Variants in KCNIP3 observed in about 807,000 individuals in gnomAD.
KCNIP3 encodes potassium voltage-gated channel interacting protein 3.
A neutral mutation model predicts 35.0 loss-of-function variants in KCNIP3; 28 were observed. The observed-to-expected ratio is 0.80, with a 90% CI of 0.59 to 1.10. The LOEUF (loss-of-function observed/expected upper bound fraction) is 1.10, where lower values mean the gene tolerates loss of function less well. Among genes scored for constraint, KCNIP3 ranks in the 50% least tolerant of loss-of-function variants. The pLI, the probability that KCNIP3 is intolerant of heterozygous loss-of-function variation, is 0.00. For synonymous variants in KCNIP3, 134 were observed against 133.8 expected, an observed-to-expected ratio of 1.00 and a Z score of -0.01; for missense variants, 295 against 338.4, an observed-to-expected ratio of 0.87 and a Z score of 1.01.
intron 2 of KCNIP3, among the ~76,000 whole-genome samples, chr2:95,348,266 G>C (rs1242951313): frequency 1.3e-5 from 2 of 152,252 alleles, no homozygotes; most frequent in Admixed American, 6.5e-5. Context: ...TCGCTCGGCC[G>C]GATGCTGGCC....
rs781346275 is a variant in KCNIP3 at position 95,382,475 on chromosome 2, C to A, written c.654C>A (p.Phe218Leu). The A allele has an allele frequency of 2.5e-6, 4 of 1,602,304 alleles. No individual in the cohort carries two copies. Among genetic ancestry groups the A allele is most frequent in the Middle Eastern group, 1.7e-4 (1 of 6,040 alleles). Reference protein sequence around the residue: ...EDAPAEHVERFFEKMDRNQDG... With the variant: ...EDAPAEHVERLFEKMDRNQDG... ...CGCCGGCGGAGCACGTGGAGAGGTT[C>A]TTCGAGGTGAGCGAGCGCCAGCCCT... Residue 218 changes from phenylalanine to leucine, a missense_variant, in exon 7 of 9, where the codon TTC becomes TTA. Physicochemically the swap from Phe to Leu is conservative, Grantham distance 22. Transcript: ENST00000295225. The surrounding 1 kb of genome is among the most constrained non-coding windows in gnomAD (Gnocchi z 4.5).
chr2:95,368,309 G>A (rs1679964603), intron 2 of KCNIP3, among the ~76,000 whole-genome samples: 1 of 152,066 alleles, frequency 6.6e-6, no homozygotes, highest in Non-Finnish European at 1.5e-5. Context: ...GTAGCAAACA[G>A]CAACTATGTC....
chr2:95,382,372 TC>T lies in KCNIP3; in HGVS notation c.556-3del. 1 of 1,569,524 alleles carries T rather than the reference TC, an allele frequency of 6.4e-7. No homozygotes were observed. The highest frequency in any genetic ancestry group is 1.2e-5 in the South Asian group (1 of 84,800). ...CAGCAGGCTCATGCCAGCCTCCCCC[TC>T]CAGGAGATGCTGGCCATCATGAAGT... On this transcript the variant is annotated splice_region_variant and splice_polypyrimidine_tract_variant and intron_variant, in intron 6 of 8. Coordinates refer to ENST00000295225, the MANE Select transcript of KCNIP3 (RefSeq NM_013434.5). This position sits in a 1 kb window ranked among gnomAD's most constrained non-coding sequence, Gnocchi z 4.5.
intron 1 of KCNIP3, among the ~76,000 whole-genome samples, chr2:95,299,314 T>C (rs1462016707): frequency 6.6e-6 from 1 of 152,194 alleles, no homozygotes; most frequent in Non-Finnish European, 1.5e-5. Context: ...CCATTAGGTT[T>C]CTCATCAAGA....
rs1383198194 is a variant in KCNIP3, at chr2:95,378,209, ACCT to A, written c.447+3005_447+3007del. The stretch of plus-strand genomic sequence containing the variant: ...ACCACCATAGCTCATTGCAGCCTCG[ACCT>A]CCTGGCCTCAAGTGATCCTCCTACC... On this transcript the variant is annotated intron_variant, in intron 5 of 8. Transcript: ENST00000295225. This position sits in a 1 kb window ranked among gnomAD's most constrained non-coding sequence, Gnocchi z 4.0. Among the ~76,000 whole-genome samples the A allele has an allele frequency of 6.6e-6, 1 of 151,972 alleles. No individual in the cohort carries two copies. The highest frequency in any genetic ancestry group is 1.5e-5 in the Non-Finnish European group (1 of 67,984).
rs771470868 is a variant in KCNIP3 at position 95,310,441 on chromosome 2, G to A, written c.102G>A (p.Arg34=). 6.2e-7 allele frequency: 1 copy of A among 1,613,980 alleles called. No homozygotes were observed. The highest frequency in any genetic ancestry group is 8.5e-7 in the Non-Finnish European group (1 of 1,179,962). The change falls in exon 2 of 9, where the codon AGG becomes AGA. Residue 34 remains arginine (R), a synonymous_variant. Transcript: ENST00000295225. The part of the protein sequence containing the change: ...LSKKEGIKWQ[R]PRLSRQALMR... ...AGAAGGAGGGTATCAAGTGGCAGAG[G>A]CCGAGGCTCAGCCGCCAGGCTTTGA...
chr2:95,356,725 C>T (rs375615273), intron 2 of KCNIP3, among the ~76,000 whole-genome samples: 53 of 152,212 alleles, frequency 3.5e-4, no homozygotes, highest in Non-Finnish European at 5.0e-4. Context: ...TTTTGGTACC[C>T]GTACCATGCT....
At chr2:95,310,244 C>T (rs1678275534) in intron 1 of KCNIP3, 111 bp from the exon 2 acceptor site, 1 of 1,292,802 alleles carries the variant, frequency 7.7e-7, no homozygotes, top group Admixed American at 1.7e-5. Context: ...AAGGTGAGCC[C>T]TCTGTTGTGT....
chr2:95,314,932 G>A (rs1402817689), intron 2 of KCNIP3, among the ~76,000 whole-genome samples: 1 of 152,210 alleles, frequency 6.6e-6, no homozygotes, highest in Non-Finnish European at 1.5e-5. Flanking sequence ...ACCCGACAGG[G>A]CAGCCCTGGA....
At position 95,384,037 on chromosome 2, in the gene KCNIP3, GA is replaced by G. The variant is rs762296867; in HGVS notation, c.761del (p.Asn254MetfsTer33). On this transcript the variant is annotated frameshift_variant, in exon 9 of 9. Coordinates refer to ENST00000295225, the MANE Select transcript of KCNIP3 (RefSeq NM_013434.5). LOFTEE classifies it high-confidence loss of function. Reference sequence around the variant, plus strand: ...TCATGAGCTCCATGCAGCTGTTTGAGAATGTCATCTAGGACACGTCCAAAGG... The same window carrying G: ...TCATGAGCTCCATGCAGCTGTTTGAGATGTCATCTAGGACACGTCCAAAGG... ...NIMSSMQLFE[N>X]VI The G allele has an allele frequency of 3.7e-6, 6 of 1,613,994 alleles. No homozygotes were observed. In the Admixed American group the frequency reaches 1.0e-4, roughly 27 times the overall value.
chr2:95,378,838 TTATATACACATA>T lies in KCNIP3; in HGVS notation c.448-2741_448-2730del, dbSNP rs761278088. Reference sequence around the variant, plus strand: ...CACACACACATATATACACACATATTTATATACACATATATATACACATATATACACACACAC... The same window carrying T: ...CACACACACATATATACACACATATTTATATACACATATATACACACACAC... On this transcript the variant is annotated intron_variant, in intron 5 of 8. Coordinates refer to ENST00000295225, the MANE Select transcript of KCNIP3 (RefSeq NM_013434.5). The surrounding 1 kb of genome is among the most constrained non-coding windows in gnomAD (Gnocchi z 4.0). Among the ~76,000 whole-genome samples, 3 of 148,614 alleles carry T rather than the reference TTATATACACATA, an allele frequency of 2.0e-5. No homozygotes were observed. Among genetic ancestry groups the T allele is most frequent in the East Asian group, 2.0e-4 (1 of 5,082 alleles).
At chr2:95,342,108 G>A (rs1289609955) in intron 2 of KCNIP3, among the ~76,000 whole-genome samples, 3 of 152,124 alleles carry the variant, frequency 2.0e-5, no homozygotes, top group Non-Finnish European at 1.5e-5. Flanking sequence ...CGAAGACCCT[G>A]AGATGAGAGA....
intron 1 of KCNIP3, 102 bp downstream of exon 1, chr2:95,297,555 C>T (rs920052573): frequency 2.3e-5 from 20 of 888,840 alleles, no homozygotes; most frequent in Admixed American, 5.4e-5. Context: ...TTCTTTGACC[C>T]TTGTCCCCTC....
chr2:95,301,975 C>T (rs192051940), intron 1 of KCNIP3, among the ~76,000 whole-genome samples: 5 of 152,252 alleles, frequency 3.3e-5, no homozygotes, highest in African/African-American at 9.6e-5. Flanking sequence ...TCGGCTCCCC[C>T]GACAAGGCGA....
chr2:95,360,998 G>A (rs1679785766), intron 2 of KCNIP3, among the ~76,000 whole-genome samples: 2 of 152,180 alleles, frequency 1.3e-5, no homozygotes, highest in African/African-American at 2.4e-5. Flanking sequence ...CCTGGAGAAG[G>A]AGGAAGAGAG....
intron 2 of KCNIP3, among the ~76,000 whole-genome samples, chr2:95,343,850 C>T (rs149617406): frequency 2.6e-4 from 40 of 152,276 alleles, no homozygotes; most frequent in Non-Finnish European, 4.7e-4. Flanking sequence ...ATGGTTGTGA[C>T]CTCAGGTGTG....
At chr2:95,326,074 CTAACACACTCATAT>C (rs1678768804) in intron 2 of KCNIP3, among the ~76,000 whole-genome samples, 1 of 139,064 alleles carries the variant, frequency 7.2e-6, no homozygotes, top group Non-Finnish European at 1.5e-5. Flanking sequence ...TTCACTCATA[CTAACACACTCATAT>C]ACACATACAC....
intron 2 of KCNIP3, among the ~76,000 whole-genome samples, chr2:95,359,077 A>G (rs760528968): frequency 2.0e-5 from 3 of 152,222 alleles, no homozygotes; most frequent in East Asian, 3.8e-4. Context: ...TTCAAACTGT[A>G]GCATTCTGCC....
At chr2:95,321,178 G>A (rs1678588040) in intron 2 of KCNIP3, among the ~76,000 whole-genome samples, 1 of 151,998 alleles carries the variant, frequency 6.6e-6, no homozygotes, top group African/African-American at 2.4e-5. Flanking sequence ...CCTTCCCTAC[G>A]CCACCCTCTG....
Sources: gnomAD v4.1 joint callset for allele counts (sites outside exome capture counted in the v4.1 genomes callset) on GRCh38, gnomAD v4.1.1 for gene constraint, Gnocchi (gnomAD v3.1) non-coding constraint, MANE v1.5 for transcripts, NCBI Gene and HGNC (gene_info 2026-07-23, HGNC 2026-07-21) for gene names.